Variants in MYO1E observed in about 807,000 individuals in gnomAD.
The protein encoded by MYO1E is unconventional myosin-Ie.
Under a neutral mutation model 151.1 loss-of-function variants are expected in MYO1E, and 68 were observed. The ratio of observed to expected loss-of-function variants is 0.45; its 90% confidence interval spans 0.37 to 0.55. The LOEUF (loss-of-function observed/expected upper bound fraction) is 0.55. Among genes scored for constraint, MYO1E ranks in the 20% least tolerant of loss-of-function variants. The pLI is 0.00. For synonymous variants in MYO1E, 601 were observed against 501.7 expected, an observed-to-expected ratio of 1.20 and a Z score of -2.64; for missense variants, 1,363 against 1,389.3, an observed-to-expected ratio of 0.98 and a Z score of 0.30.
chr15:59,237,028 C>T (rs1320919300), intron 4 of MYO1E, among the ~76,000 whole-genome samples: 2 of 151,954 alleles, frequency 1.3e-5, no homozygotes, highest in Non-Finnish European at 1.5e-5. Flanking sequence ...ACTGTAAACA[C>T]AGGAAACAAG....
chr15:59,138,341 G>A lies in MYO1E; in HGVS notation c.3107C>T (p.Pro1036Leu), dbSNP rs1183778337. ...CTTGGGTCTGCCCCCTGCTGGGGGA[G>A]GCCGACTGGTTGTTTGTCTCCTGAC... ...AGVRRQTTSR[P>L]PPAGGRPKPQ... Residue 1036 changes from proline (P) to leucine (L), a missense_variant, in exon 27 of 28, where the codon CCT (proline) becomes CTT (leucine). Coordinates refer to ENST00000288235, the MANE Select transcript of MYO1E (RefSeq NM_004998.4). 2 of 1,614,064 alleles carry A rather than the reference G, an allele frequency of 1.2e-6. No homozygotes were observed. The highest frequency in any genetic ancestry group is 2.7e-5 in the African/African-American group (2 of 74,936).
At chr15:59,352,349 C>T (rs1215276226) in intron 1 of MYO1E, among the ~76,000 whole-genome samples, 2 of 152,146 alleles carry the variant, frequency 1.3e-5, no homozygotes, top group East Asian at 3.8e-4. Context: ...GGGAAGTGTC[C>T]CTGTGCCGTA....
At chr15:59,250,222 C>T (rs1164351575) in intron 4 of MYO1E, among the ~76,000 whole-genome samples, 2 of 152,038 alleles carry the variant, frequency 1.3e-5, no homozygotes. Flanking sequence ...GAGAGTCTGA[C>T]GATATGATTT....
chr15:59,179,477 A>C (rs1235722250), intron 18 of MYO1E, among the ~76,000 whole-genome samples: 2 of 152,294 alleles, frequency 1.3e-5, no homozygotes, highest in African/African-American at 4.8e-5. Context: ...AGCAGTCATA[A>C]TGAACATTCC....
intron 9 of MYO1E, among the ~76,000 whole-genome samples, chr15:59,222,242 C>T (rs2140348674): frequency 6.6e-6 from 1 of 152,272 alleles, no homozygotes; most frequent in Admixed American, 6.5e-5. Flanking sequence ...CTATTTATTA[C>T]TAAGCATCTA....
At chr15:59,244,282 G>A (rs971407653) in intron 4 of MYO1E, among the ~76,000 whole-genome samples, 3 of 152,220 alleles carry the variant, frequency 2.0e-5, no homozygotes, top group Admixed American at 1.3e-4. Context: ...GCAGTCAGAG[G>A]AACCCAATGT....
intron 26 of MYO1E, among the ~76,000 whole-genome samples, chr15:59,151,924 C>T (rs920531088): frequency 6.7e-5 from 10 of 149,432 alleles, no homozygotes; most frequent in African/African-American, 2.3e-4. Context: ...ACAAATTAGC[C>T]GGGCATGGTG....
rs1387436534 is a variant in MYO1E, at chr15:59,352,007, A to C, written c.3+20491T>G. On this transcript the variant is annotated intron_variant, in intron 1 of 27. Transcript: ENST00000288235. The stretch of plus-strand genomic sequence containing the variant: ...ATCTGTTCTCACCCTCTTTAGGAGA[A>C]GGTTTGATAGACTAGTTCAGAGGGA... Among the ~76,000 whole-genome samples the C allele has an allele frequency of 2.0e-5, 3 of 152,114 alleles. 1 individual carries two copies. Among genetic ancestry groups the C allele is most frequent in the Middle Eastern group, 3.2e-3 (1 of 316 alleles).
At chr15:59,261,613 GA>G (rs2080224836) in intron 2 of MYO1E, 104 bp from the exon 3 acceptor site, 2 of 786,412 alleles carry the variant, frequency 2.5e-6, no homozygotes, top group Admixed American at 3.8e-5. Context: ...TGTCCAAGTG[GA>G]AAGTTTGTGT....
At chr15:59,306,874 G>A (rs1271378299) in intron 1 of MYO1E, among the ~76,000 whole-genome samples, 1 of 152,220 alleles carries the variant, frequency 6.6e-6, no homozygotes, top group Admixed American at 6.5e-5. Flanking sequence ...AAAACCTGGT[G>A]TGTGAATGGC....
chr15:59,249,734 T>A (rs1002939851), intron 4 of MYO1E, among the ~76,000 whole-genome samples: 3 of 152,176 alleles, frequency 2.0e-5, no homozygotes, highest in Non-Finnish European at 4.4e-5. Flanking sequence ...TCCCTTAGCA[T>A]GAGGAGCAGG....
At chr15:59,148,016 A>C (rs1024978427) in intron 26 of MYO1E, among the ~76,000 whole-genome samples, 3 of 152,252 alleles carry the variant, frequency 2.0e-5, no homozygotes, top group Non-Finnish European at 4.4e-5. Context: ...TTTCCTTGCA[A>C]GACCAGCCAA....
intron 1 of MYO1E, among the ~76,000 whole-genome samples, chr15:59,324,666 C>T (rs1452540299): frequency 4.7e-5 from 7 of 149,802 alleles, no homozygotes; most frequent in Admixed American, 2.0e-4. Context: ...ATCCCAAGCC[C>T]CCCCCCCACA....
At chr15:59,282,929 A>AG (rs1555416752) in intron 1 of MYO1E, among the ~76,000 whole-genome samples, 1 of 118 alleles carries the variant, frequency 8.5e-3, no homozygotes, top group African/African-American at 0.023. Context: ...GGGGAGGGGG[A>AG]GGGGGAGGGG....
intron 1 of MYO1E, among the ~76,000 whole-genome samples, chr15:59,366,726 T>A (rs1165244023): frequency 6.6e-6 from 1 of 152,000 alleles, no homozygotes; most frequent in Non-Finnish European, 1.5e-5. Flanking sequence ...ATGAAAAAAA[T>A]ACTTTGCTAG....
chr15:59,342,056 G>A (rs1484348391), intron 1 of MYO1E, among the ~76,000 whole-genome samples: 2 of 152,058 alleles, frequency 1.3e-5, no homozygotes, highest in African/African-American at 4.8e-5. Flanking sequence ...CCCGTCTTCT[G>A]GATAAAAGCC....
chr15:59,256,656 C>G (rs530047506), intron 3 of MYO1E, among the ~76,000 whole-genome samples: 2 of 152,218 alleles, frequency 1.3e-5, no homozygotes, highest in South Asian at 4.2e-4. Flanking sequence ...TCCGGATGTG[C>G]CCCGTGTCTT....
chr15:59,332,340 A>T (rs181747382), intron 1 of MYO1E, among the ~76,000 whole-genome samples: 1 of 152,368 alleles, frequency 6.6e-6, no homozygotes, highest in Admixed American at 6.5e-5. Context: ...AACGGGAAGG[A>T]ATCCTGGGCT....
intron 1 of MYO1E, among the ~76,000 whole-genome samples, chr15:59,275,607 T>C (rs1474119933): frequency 1.3e-5 from 2 of 152,192 alleles, no homozygotes; most frequent in Admixed American, 1.3e-4. Context: ...CTCCTCACTA[T>C]GCATTTATTC....
Sources: allele counts gnomAD v4.1 joint callset (sites outside exome capture counted in the v4.1 genomes callset), GRCh38; gene constraint gnomAD v4.1.1; transcripts MANE v1.5; gene names NCBI Gene and HGNC (gene_info 2026-07-23, HGNC 2026-07-21).